The following BEND6 variants were observed in gnomAD, a reference collection of about 807,000 sequenced individuals.
The protein encoded by BEND6 is BEN domain-containing protein 6.
BEND6 carries 24 observed loss-of-function variants against 31.8 expected under a neutral mutation model. That is an observed-to-expected ratio of 0.75 (90% CI 0.55 to 1.06). The LOEUF (loss-of-function observed/expected upper bound fraction) is 1.06. Ranked by LOEUF, BEND6 falls within the 50% of genes least tolerant of loss-of-function variation. BEND6 has a pLI of 0.00. For synonymous variants in BEND6, 109 were observed against 114.6 expected, an observed-to-expected ratio of 0.95 and a Z score of 0.31; for missense variants, 294 against 327.4, an observed-to-expected ratio of 0.90 and a Z score of 0.79.
Position 57,017,235 on chromosome 6 carries a change from G to T in BEND6, c.548G>T (p.Arg183Leu). 1 of 1,558,872 alleles carries T rather than the reference G, an allele frequency of 6.4e-7. No individual in the cohort carries two copies. Among genetic ancestry groups the T allele is most frequent in the South Asian group, 1.2e-5 (1 of 83,804 alleles). The change falls in exon 5 of 7, where the codon CGT becomes CTT. Residue 183 changes from arginine to leucine, a missense_variant. Arg to Leu is a moderately radical substitution (Grantham distance 102, BLOSUM62 -2). Coordinates refer to ENST00000370746, the MANE Select transcript of BEND6 (RefSeq NM_152731.3). ...CAGATTGAAAAATGGCAGATTGCCC[G>T]TTGTAACAAGAGCAAGCCTCAGAAG... ...QFQIEKWQIA[R>L]CNKSKPQKFI...
chr6:56,958,458 T>C (rs1825171458), intron 1 of BEND6, among the ~76,000 whole-genome samples: 2 of 151,880 alleles, frequency 1.3e-5, no homozygotes, highest in Non-Finnish European at 2.9e-5. Flanking sequence ...ATAACTCAGG[T>C]TTTGAGCTAG....
intron 6 of BEND6, among the ~76,000 whole-genome samples, chr6:57,024,628 C>G (rs1827847835): frequency 6.6e-6 from 1 of 152,096 alleles, no homozygotes; most frequent in East Asian, 1.9e-4. Flanking sequence ...TCTCTGGCTC[C>G]TCTTAGAATC....
chr6:56,976,034 TAAGA>T (rs960082166), intron 1 of BEND6: 4 of 470,454 alleles, frequency 8.5e-6, no homozygotes, highest in African/African-American at 6.0e-5. Context: ...ATTCAAGCAC[TAAGA>T]ACAGGACACG....
chr6:57,011,714 TC>T (rs1827347977), intron 3 of BEND6, among the ~76,000 whole-genome samples: 1 of 33,664 alleles, frequency 3.0e-5, no homozygotes, highest in Admixed American at 4.3e-4. Flanking sequence ...GGGCCCTGTC[TC>T]AAAAAAAAAA....
chr6:57,008,246 G>A, intron 3 of BEND6: 1 of 702,790 alleles, frequency 1.4e-6, no homozygotes, highest in Non-Finnish European at 2.6e-6. Context: ...CTGTTACCTT[G>A]ACTCATCTCA....
At chr6:57,025,854 A>G (rs1399469611) in intron 6 of BEND6, among the ~76,000 whole-genome samples, 1 of 151,864 alleles carries the variant, frequency 6.6e-6, no homozygotes, top group African/African-American at 2.4e-5. Context: ...GAGTTCTGGG[A>G]TATTGCTGGT....
chr6:56,955,548 C>G (rs539183677), intron 1 of BEND6, 88 bp downstream of exon 1: 1 of 152,316 alleles, frequency 6.6e-6, no homozygotes, highest in South Asian at 2.1e-4. Context: ...ACTCCAGGAA[C>G]GGGAGGCCCA....
chr6:57,026,702 G>C lies in BEND6; in HGVS notation c.*630G>C, dbSNP rs945408050. On this transcript the variant is annotated 3_prime_UTR_variant, in exon 7 of 7. Coordinates refer to ENST00000370746, the MANE Select transcript of BEND6 (RefSeq NM_152731.3). ...TGGGAATATGAAAAAAATGACAACAGCAAGATGTTTTATTTTAATGTTAAG... is the reference window on the plus strand; with the variant it reads ...TGGGAATATGAAAAAAATGACAACACCAAGATGTTTTATTTTAATGTTAAG... 1 of 152,134 alleles carries C rather than the reference G, an allele frequency of 6.6e-6. No individual in the cohort carries two copies. The highest frequency in any genetic ancestry group is 6.5e-5 in the Admixed American group (1 of 15,276). 9.4% of individuals were successfully genotyped at this position (152,134 alleles called of 1,614,324 possible).
chr6:57,007,283 G>C (rs1245218866), intron 3 of BEND6, among the ~76,000 whole-genome samples: 1 of 150,614 alleles, frequency 6.6e-6, no homozygotes, highest in Non-Finnish European at 1.5e-5. Context: ...GTGAGACCAT[G>C]TCTCAAATTA....
intron 1 of BEND6, among the ~76,000 whole-genome samples, chr6:56,971,541 T>C (rs761816260): frequency 1.3e-5 from 2 of 152,176 alleles, no homozygotes; most frequent in African/African-American, 2.4e-5. Flanking sequence ...TTCTAGAAGG[T>C]TCCGTGCTGT....
At chr6:57,013,927 A>G (rs543005286) in intron 3 of BEND6, 3 of 152,380 alleles carry the variant, frequency 2.0e-5, no homozygotes, top group Admixed American at 6.5e-5. Flanking sequence ...AGCCAGTCTG[A>G]ATTTGAATCT....
At chr6:57,021,782 T>C (rs1026593366) in intron 6 of BEND6, among the ~76,000 whole-genome samples, 2 of 152,180 alleles carry the variant, frequency 1.3e-5, no homozygotes, top group African/African-American at 4.8e-5. Context: ...TGGCGTAATG[T>C]TACATAACAT....
chr6:56,997,655 G>A (rs536026455), intron 3 of BEND6, among the ~76,000 whole-genome samples: 10 of 152,252 alleles, frequency 6.6e-5, no homozygotes, highest in South Asian at 2.1e-4. Flanking sequence ...CCAGGTTCAC[G>A]CCATTCTCCT....
intron 1 of BEND6, among the ~76,000 whole-genome samples, chr6:56,971,139 C>A (rs1434799260): frequency 2.0e-5 from 3 of 152,192 alleles, no homozygotes; most frequent in Non-Finnish European, 4.4e-5. Context: ...TATTCCCTCA[C>A]TTCCCCTAGC....
At chr6:56,969,664 T>C (rs1297419805) in intron 1 of BEND6, among the ~76,000 whole-genome samples, 2 of 152,052 alleles carry the variant, frequency 1.3e-5, no homozygotes, top group Admixed American at 6.5e-5. Flanking sequence ...TATATTTAAA[T>C]ACAAAGGCAG....
At chr6:56,988,390 A>T (rs1045483172) in intron 2 of BEND6, among the ~76,000 whole-genome samples, 37 of 152,050 alleles carry the variant, frequency 2.4e-4, no homozygotes, top group African/African-American at 8.5e-4. Context: ...ACCTAATAGC[A>T]TAGTCTCAGT....
At chr6:56,962,054 A>G (rs968733789) in intron 1 of BEND6, among the ~76,000 whole-genome samples, 1 of 152,332 alleles carries the variant, frequency 6.6e-6, no homozygotes, top group African/African-American at 2.4e-5. Flanking sequence ...GCCCTCATGA[A>G]TGGATTAATG....
chr6:56,981,661 CAT>C, intron 1 of BEND6, 48 bp from the exon 2 acceptor site: 2 of 763,008 alleles, frequency 2.6e-6, no homozygotes, highest in Non-Finnish European at 4.1e-6. Context: ...CATTATGAAA[CAT>C]ACAGTTGTGA....
intron 2 of BEND6, among the ~76,000 whole-genome samples, 167 bp downstream of exon 2, chr6:56,982,097 G>A (rs1057479220): frequency 4.6e-5 from 7 of 151,854 alleles, no homozygotes; most frequent in Admixed American, 3.3e-4. Context: ...TTTTAAAAAT[G>A]TTTTGTAGAG....
Sources: allele counts gnomAD v4.1 joint callset (sites outside exome capture counted in the v4.1 genomes callset), GRCh38; gene constraint gnomAD v4.1.1; transcripts MANE v1.5; gene names NCBI Gene and HGNC (gene_info 2026-07-23, HGNC 2026-07-21).